The following BRAF variants were observed in gnomAD, a reference collection of about 807,000 sequenced individuals.
The protein encoded by BRAF is serine/threonine-protein kinase B-raf.
Under a neutral mutation model 104.6 loss-of-function variants are expected in BRAF, and 16 were observed. The ratio of observed to expected loss-of-function variants is 0.15; its 90% CI spans 0.10 to 0.23. The LOEUF (loss-of-function observed/expected upper bound fraction) is 0.23, where lower values mean the gene tolerates loss of function less well. BRAF is among the 10% of genes least tolerant of loss of function. The probability of loss-of-function intolerance (pLI) is 1.00; values close to 1 mark genes in which losing one functional copy is unlikely to be tolerated. For missense variants in BRAF, 541 were observed against 937.3 expected, an observed-to-expected ratio of 0.58 and a Z score of 5.52; for synonymous variants, 310 against 341.6, an observed-to-expected ratio of 0.91 and a Z score of 1.02.
chr7:140,882,959 A>G (rs2129105781), intron 1 of BRAF, among the ~76,000 whole-genome samples: 1 of 152,010 alleles, frequency 6.6e-6, no homozygotes, highest in Admixed American at 6.5e-5. Context: ...GCACCACTGC[A>G]CTCCAGCTGG....
intron 1 of BRAF, among the ~76,000 whole-genome samples, chr7:140,856,425 AC>A (rs1243184839): frequency 6.6e-6 from 1 of 152,206 alleles, no homozygotes; most frequent in East Asian, 1.9e-4. Context: ...AATCAGTTTG[AC>A]AAAGAAATCA....
At chr7:140,911,961 C>G (rs753674909) in intron 1 of BRAF, among the ~76,000 whole-genome samples, 1 of 152,078 alleles carries the variant, frequency 6.6e-6, no homozygotes, top group Non-Finnish European at 1.5e-5. Flanking sequence ...AAGATCAGTA[C>G]CAAAAAGTTA....
intron 1 of BRAF, among the ~76,000 whole-genome samples, chr7:140,900,585 T>G (rs1340750986): frequency 2.6e-5 from 4 of 152,192 alleles, no homozygotes; most frequent in Non-Finnish European, 5.9e-5. Flanking sequence ...TTGTTATTCA[T>G]CTCCTCTTTC....
Position 140,726,272 on chromosome 7 carries a change from G to C in BRAF, c.*222C>G. The C allele has an allele frequency of 7.1e-7, 1 of 1,408,566 alleles. No individual in the cohort carries two copies. Among genetic ancestry groups the C allele is most frequent in the Non-Finnish European group, 9.2e-7 (1 of 1,088,422 alleles). The allele number at this position is 1,408,566 out of a possible 1,614,324, so 87.3% of individuals were successfully genotyped here. A position where few individuals can be genotyped will look rare whatever the true frequency, so the allele number is the denominator to read the frequency against. ...GACTGGGCAGACTTGTATGCTCGTG[G>C]TATTTTTGTTGAAGAAACACTGGCA... On this transcript the variant is annotated 3_prime_UTR_variant, in exon 20 of 20. Transcript: ENST00000644969.
chr7:140,860,750 T>A (rs1810334535), intron 1 of BRAF, among the ~76,000 whole-genome samples: 3 of 152,208 alleles, frequency 2.0e-5, no homozygotes, highest in Admixed American at 2.0e-4. Context: ...CAACAAACAC[T>A]ATCATATTCT....
intron 1 of BRAF, among the ~76,000 whole-genome samples, chr7:140,895,204 G>T (rs1217958038): frequency 6.6e-6 from 1 of 151,954 alleles, no homozygotes; most frequent in East Asian, 1.9e-4. Flanking sequence ...TACCTAAATA[G>T]ATCAATGTAG....
intron 19 of BRAF, chr7:140,730,894 T>A (rs965569861): frequency 6.6e-6 from 1 of 152,256 alleles, no homozygotes. Context: ...AAGTATGTTA[T>A]GAAAAGTAAC....
At chr7:140,816,395 C>T (rs1188978185) in intron 3 of BRAF, among the ~76,000 whole-genome samples, 1 of 152,148 alleles carries the variant, frequency 6.6e-6, no homozygotes, top group Non-Finnish European at 1.5e-5. Flanking sequence ...TTACTTTCGA[C>T]CTATTCCATT....
rs1035937499 is a variant in BRAF, at chr7:140,801,663, T to C, written c.712-103A>G. Reference sequence around the variant, plus strand: ...TTAAAATAACAAAGTTGTAATATATTTATATCATGAAACTCACATACTAAA... The same window carrying C: ...TTAAAATAACAAAGTTGTAATATATCTATATCATGAAACTCACATACTAAA... On this transcript the variant is annotated intron_variant, in intron 5 of 19. Transcript: ENST00000644969. 5 of 1,286,090 alleles carry C rather than the reference T, an allele frequency of 3.9e-6. No individual in the cohort carries two copies. The Admixed American group carries it at 1.1e-4, about 28-fold the overall frequency. The allele number at this position is 1,286,090 out of a possible 1,614,324, so 79.7% of individuals were successfully genotyped here.
Position 140,722,903 on chromosome 7 carries a change from C to A in BRAF, c.*3591G>T, listed in dbSNP as rs1585889622. 1 of 1,055,508 alleles carries A rather than the reference C, an allele frequency of 9.5e-7. No homozygotes were observed. The highest frequency in any genetic ancestry group is 1.1e-6 in the Non-Finnish European group (1 of 873,206). 65.4% of individuals were successfully genotyped at this position (1,055,508 alleles called of 1,614,324 possible). ...TTCAACAACATTCAGATATTCCGAG[C>A]AACACATTTTTTTACAGTATTACTG... On this transcript the variant is annotated 3_prime_UTR_variant, in exon 20 of 20. Transcript: ENST00000644969.
intron 1 of BRAF, among the ~76,000 whole-genome samples, chr7:140,922,924 T>C (rs1818380595): frequency 6.6e-6 from 1 of 151,896 alleles, no homozygotes; most frequent in South Asian, 2.1e-4. Flanking sequence ...GAAATTGAAG[T>C]AGAGAAGAGC....
rs966785211 is a variant in BRAF at position 140,883,399 on chromosome 7, C to A, written c.139-33187G>T. 4.6e-5 allele frequency among the ~76,000 whole-genome samples: 7 copies of A among 152,220 alleles called. No individual in the cohort carries two copies. In the South Asian group the frequency reaches 1.4e-3, roughly 32 times the overall value. ...TTCTCAGGCTTGGCCTTTAATCTGT[C>A]GTATATAACTTTTTCAAGGCTTCTA... On this transcript the variant is annotated intron_variant, in intron 1 of 19. Coordinates refer to ENST00000644969, the MANE Select transcript of BRAF (RefSeq NM_001374258.1).
At chr7:140,863,781 T>G (rs1586451249) in intron 1 of BRAF, among the ~76,000 whole-genome samples, 1 of 152,204 alleles carries the variant, frequency 6.6e-6, no homozygotes, top group Non-Finnish European at 1.5e-5. Flanking sequence ...CTGCTCCTGC[T>G]TTGCCTTCTG....
In BRAF at chr7:140,726,340, G is replaced by T; in HGVS notation, c.*154C>A. 1 of 1,438,500 alleles carries T rather than the reference G, an allele frequency of 7.0e-7. No homozygotes were observed. The highest frequency in any genetic ancestry group is 1.5e-5 in the South Asian group (1 of 65,944). 89.1% of individuals were successfully genotyped at this position (1,438,500 alleles called of 1,614,324 possible). On this transcript the variant is annotated 3_prime_UTR_variant, in exon 20 of 20. Coordinates refer to ENST00000644969, the MANE Select transcript of BRAF (RefSeq NM_001374258.1). The stretch of plus-strand genomic sequence containing the variant: ...CTAAAACATTCTTTCCTCTTTTGTT[G>T]GATGGGAAATTCCATTCTGTTCCAC...
chr7:140,859,591 G>C (rs571191910), intron 1 of BRAF, among the ~76,000 whole-genome samples: 2 of 151,882 alleles, frequency 1.3e-5, no homozygotes, highest in South Asian at 2.1e-4. Context: ...ATATTATAAT[G>C]ATGTCAATTT....
chr7:140,782,719 C>G (rs550891153), intron 11 of BRAF, among the ~76,000 whole-genome samples: 1 of 152,252 alleles, frequency 6.6e-6, no homozygotes, highest in African/African-American at 2.4e-5. Context: ...TCTGAAATAT[C>G]TGAATTCTGG....
At chr7:140,757,975 T>C (rs1798345505) in intron 14 of BRAF, 1 of 152,242 alleles carries the variant, frequency 6.6e-6, no homozygotes, top group Admixed American at 6.5e-5. Context: ...TGCCTATTGA[T>C]AATATTGCTA....
chr7:140,815,518 C>G (rs1473710349), intron 3 of BRAF, among the ~76,000 whole-genome samples: 1 of 148,502 alleles, frequency 6.7e-6, no homozygotes. Context: ...ACTGCAAACT[C>G]CACTTCACAG....
intron 19 of BRAF, 88 bp downstream of exon 18, chr7:140,730,577 G>A (rs1019530168): frequency 1.3e-5 from 2 of 152,112 alleles, no homozygotes; most frequent in South Asian, 2.1e-4. Context: ...ATGTTGGCCA[G>A]GCTGGTCTCG....
Sources: gnomAD v4.1 joint callset for allele counts (sites outside exome capture counted in the v4.1 genomes callset) on GRCh38, gnomAD v4.1.1 for gene constraint, MANE v1.5 for transcripts, NCBI Gene and HGNC (gene_info 2026-07-23, HGNC 2026-07-21) for gene names.